The following ACSS3 variants were observed in gnomAD, a reference collection of about 807,000 sequenced individuals.
The protein encoded by ACSS3 is acyl-CoA synthetase short chain family member 3.
In ACSS3, 64 loss-of-function variants were observed where a neutral mutation model predicts 84.2. The observed-to-expected ratio is 0.76, with a 90% CI of 0.62 to 0.94. The LOEUF is 0.94. ACSS3 is among the 40% of genes least tolerant of loss of function. ACSS3 has a pLI of 0.00. For synonymous variants in ACSS3, 317 were observed against 310.1 expected, an observed-to-expected ratio of 1.02 and a Z score of -0.23; for missense variants, 815 against 867.6, an observed-to-expected ratio of 0.94 and a Z score of 0.76.
At chr12:81,200,454 T>A (rs2032047707) in intron 9 of ACSS3, among the ~76,000 whole-genome samples, 2 of 152,192 alleles carry the variant, frequency 1.3e-5, no homozygotes, top group Admixed American at 6.6e-5. Context: ...TTGCAAAAAA[T>A]TAGCTCTGAT....
At chr12:81,174,313 G>A (rs543691918) in intron 7 of ACSS3, among the ~76,000 whole-genome samples, 1 of 152,044 alleles carries the variant, frequency 6.6e-6, no homozygotes, top group East Asian at 1.9e-4. Context: ...ACTTTTCTTG[G>A]AGTGAGACAT....
chr12:81,152,467 A>G (rs1172975521), intron 7 of ACSS3, among the ~76,000 whole-genome samples: 2 of 152,210 alleles, frequency 1.3e-5, no homozygotes, highest in Admixed American at 1.3e-4. Context: ...GGATTTCCAA[A>G]GTCATGTTGT....
chr12:81,192,462 C>T (rs1222641665), intron 8 of ACSS3, among the ~76,000 whole-genome samples: 1 of 152,128 alleles, frequency 6.6e-6, no homozygotes, highest in Admixed American at 6.5e-5. Context: ...TTAATATCCC[C>T]ACAGAGTGGT....
At chr12:81,253,243 A>G (rs2034206819) in intron 13 of ACSS3, 64 bp from the exon 14 acceptor site, 1 of 1,463,090 alleles carries the variant, frequency 6.8e-7, no homozygotes, top group Admixed American at 1.7e-5. Context: ...ATCTATATCT[A>G]TATGTTGAAT....
intron 13 of ACSS3, among the ~76,000 whole-genome samples, chr12:81,237,652 G>C (rs931818913): frequency 3.3e-5 from 5 of 151,646 alleles, no homozygotes; most frequent in African/African-American, 1.2e-4. Flanking sequence ...GGTCAGCCCA[G>C]TTAGGATCAG....
chr12:81,168,592 A>G (rs1441006706), intron 7 of ACSS3, among the ~76,000 whole-genome samples: 2 of 152,160 alleles, frequency 1.3e-5, no homozygotes, highest in Non-Finnish European at 1.5e-5. Context: ...TCTGGGTCAG[A>G]GCTAATCCTT....
intron 13 of ACSS3, among the ~76,000 whole-genome samples, chr12:81,237,573 A>G (rs1265039223): frequency 6.6e-6 from 1 of 151,652 alleles, no homozygotes; most frequent in South Asian, 2.1e-4. Flanking sequence ...TGAATATTAC[A>G]TCATGAGGTT....
At chr12:81,091,825 G>A (rs1263924561) in intron 1 of ACSS3, among the ~76,000 whole-genome samples, 1 of 151,914 alleles carries the variant, frequency 6.6e-6, no homozygotes, top group Non-Finnish European at 1.5e-5. Flanking sequence ...AAAACATGTT[G>A]GTACATAATA....
chr12:81,115,215 G>T (rs1303117108), intron 2 of ACSS3, among the ~76,000 whole-genome samples: 1 of 152,026 alleles, frequency 6.6e-6, no homozygotes, highest in African/African-American at 2.4e-5. Flanking sequence ...TTGTTCGTAG[G>T]GTATGCCCAC....
intron 1 of ACSS3, among the ~76,000 whole-genome samples, chr12:81,085,500 A>C (rs1251981983): frequency 6.6e-6 from 1 of 152,216 alleles, no homozygotes; most frequent in East Asian, 1.9e-4. Flanking sequence ...CCTTTTCTAC[A>C]TATGAGGGAA....
chr12:81,185,080 A>T (rs1343756366), intron 8 of ACSS3, among the ~76,000 whole-genome samples: 2 of 151,826 alleles, frequency 1.3e-5, no homozygotes, highest in Non-Finnish European at 3.0e-5. Flanking sequence ...TAACGTACAT[A>T]AATCTATCAG....
chr12:81,111,305 T>C (rs1883561082), intron 2 of ACSS3, among the ~76,000 whole-genome samples: 1 of 152,138 alleles, frequency 6.6e-6, no homozygotes, highest in Admixed American at 6.5e-5. Flanking sequence ...ACATCTGTCA[T>C]GCTGAACCCC....
chr12:81,221,731 AG>A (rs113440674), intron 11 of ACSS3, among the ~76,000 whole-genome samples: 7 of 152,236 alleles, frequency 4.6e-5, no homozygotes, highest in African/African-American at 1.7e-4. Flanking sequence ...TCAAGGGAAA[AG>A]CAGCAGGGGA....
rs148057187 is a variant in ACSS3, at chr12:81,180,589, C to T, written c.1250+5650C>T. On this transcript the variant is annotated intron_variant, in intron 8 of 15. Transcript: ENST00000548058. ...GGAGTGCAGTGGCATGATCTTGGCT[C>T]ATTGCAACATTTGCCTCCCAGGTTC... 5.1e-3 allele frequency among the ~76,000 whole-genome samples: 773 copies of T among 152,232 alleles called. 10 individuals carry two copies. Among genetic ancestry groups the T allele is most frequent in the African/African-American group, 0.015 (607 of 41,542 alleles).
At chr12:81,182,221 C>T (rs1194255191) in intron 8 of ACSS3, among the ~76,000 whole-genome samples, 4 of 152,236 alleles carry the variant, frequency 2.6e-5, no homozygotes, top group Middle Eastern at 3.4e-3. Context: ...AGAAGCCTTA[C>T]AGGCCAGGGG....
At chr12:81,252,275 A>G in intron 13 of ACSS3, among the ~76,000 whole-genome samples, 1 of 152,284 alleles carries the variant, frequency 6.6e-6, no homozygotes, top group South Asian at 2.1e-4. Context: ...GTATTTAGAC[A>G]TTTAGAATAG....
intron 11 of ACSS3, among the ~76,000 whole-genome samples, 165 bp from the exon 12 acceptor site, chr12:81,230,892 A>G (rs73346728): frequency 0.011 from 1,598 of 151,968 alleles, 30 homozygotes; most frequent in African/African-American, 0.036. Flanking sequence ...ATGGTCAGCT[A>G]CATAAACCTC....
At chr12:81,164,011 G>A (rs1887283344) in intron 7 of ACSS3, among the ~76,000 whole-genome samples, 1 of 152,086 alleles carries the variant, frequency 6.6e-6, no homozygotes, top group African/African-American at 2.4e-5. Flanking sequence ...AGTGTGCAGT[G>A]TTTATACAAT....
At chr12:81,153,492 T>C (rs1320142006) in intron 7 of ACSS3, among the ~76,000 whole-genome samples, 1 of 152,114 alleles carries the variant, frequency 6.6e-6, no homozygotes, top group Non-Finnish European at 1.5e-5. Flanking sequence ...TAAGTATATT[T>C]TGATGTTTAA....
Sources: allele counts gnomAD v4.1 joint callset (sites outside exome capture counted in the v4.1 genomes callset), GRCh38; gene constraint gnomAD v4.1.1; transcripts MANE v1.5; gene names NCBI Gene and HGNC (gene_info 2026-07-23, HGNC 2026-07-21).